The following CNTN5 variants were observed in gnomAD, a reference collection of about 807,000 sequenced individuals.
CNTN5 encodes the protein contactin-5.
In CNTN5, 77 loss-of-function variants were observed where a neutral mutation model predicts 129.1. The observed-to-expected ratio is 0.60, with a 90% CI of 0.50 to 0.72. The LOEUF is 0.72. Ranked by LOEUF, CNTN5 falls within the 30% of genes least tolerant of loss-of-function variation. CNTN5 has a pLI of 0.00. For missense variants in CNTN5, 1,478 were observed against 1,328.8 expected (o/e 1.11, Z -1.75); for synonymous variants, 509 against 465.6 (o/e 1.09, Z -1.20).
chr11:99,133,458 G>A (rs530087651), intron 1 of CNTN5, among the ~76,000 whole-genome samples: 26 of 151,684 alleles, frequency 1.7e-4, no homozygotes, highest in Non-Finnish European at 2.5e-4. Flanking sequence ...CTATCATCAG[G>A]GCAAACAGAC....
intron 1 of CNTN5, among the ~76,000 whole-genome samples, chr11:99,272,740 C>T (rs1160190951): frequency 2.0e-5 from 3 of 151,756 alleles, no homozygotes; most frequent in African/African-American, 7.3e-5. Flanking sequence ...CACAAACATA[C>T]ACCATTCCAG....
rs540121791 is a variant in CNTN5, at chr11:100,346,351, G to A, written c.3031-4351G>A. Among the ~76,000 whole-genome samples the A allele has an allele frequency of 5.9e-5, 9 of 152,140 alleles. No individual in the cohort carries two copies. In the South Asian group the frequency reaches 1.2e-3, roughly 21 times the overall value. On this transcript the variant is annotated intron_variant, in intron 23 of 24. Transcript: ENST00000524871. ...ATAATTTTTAATGATCTCAAAAATGGAAAATATTTTTCTTTACACGATGAA... is the reference window on the plus strand; with the variant it reads ...ATAATTTTTAATGATCTCAAAAATGAAAAATATTTTTCTTTACACGATGAA...
chr11:99,237,458 G>A (rs1218348398), intron 1 of CNTN5, among the ~76,000 whole-genome samples: 1 of 152,126 alleles, frequency 6.6e-6, no homozygotes, highest in Admixed American at 6.6e-5. Flanking sequence ...CGAGGTGGGC[G>A]CATCACGAAG....
intron 1 of CNTN5, among the ~76,000 whole-genome samples, chr11:99,321,114 G>A (rs1865551073): frequency 6.6e-6 from 1 of 151,890 alleles, no homozygotes; most frequent in Admixed American, 6.6e-5. Flanking sequence ...CTGGAAGTAC[G>A]TTTTTGGCTC....
intron 2 of CNTN5, among the ~76,000 whole-genome samples, chr11:99,458,259 A>T (rs1347087026): frequency 2.0e-5 from 3 of 151,932 alleles, no homozygotes; most frequent in African/African-American, 7.2e-5. Context: ...TATTTACACA[A>T]ATAAGTAAGT....
At chr11:99,870,154 TTA>T (rs921389485) in intron 6 of CNTN5, among the ~76,000 whole-genome samples, 1 of 152,266 alleles carries the variant, frequency 6.6e-6, no homozygotes. Context: ...TAATTGCTCT[TTA>T]AACAAATTTG....
At chr11:99,229,899 A>G (rs1036463378) in intron 1 of CNTN5, among the ~76,000 whole-genome samples, 1 of 152,070 alleles carries the variant, frequency 6.6e-6, no homozygotes, top group Non-Finnish European at 1.5e-5. Flanking sequence ...TCTAGTATGC[A>G]TATAAATATA....
At chr11:99,898,959 T>C (rs1381254625) in intron 6 of CNTN5, among the ~76,000 whole-genome samples, 1 of 152,038 alleles carries the variant, frequency 6.6e-6, no homozygotes, top group Non-Finnish European at 1.5e-5. Flanking sequence ...TTAAGTATAA[T>C]ATTTGTTTCA....
intron 3 of CNTN5, among the ~76,000 whole-genome samples, chr11:99,609,461 G>A (rs1433143564): frequency 6.6e-6 from 1 of 152,110 alleles, no homozygotes; most frequent in Non-Finnish European, 1.5e-5. Context: ...TTTTCATAAG[G>A]TTATGGCTGA....
At chr11:99,622,064 T>TA (rs1950968777) in intron 3 of CNTN5, among the ~76,000 whole-genome samples, 1 of 152,220 alleles carries the variant, frequency 6.6e-6, no homozygotes, top group Admixed American at 6.5e-5. Context: ...TATAAGCCCT[T>TA]ACACCTCCCC....
chr11:100,144,019 A>C (rs1248921605), intron 13 of CNTN5, among the ~76,000 whole-genome samples: 1 of 152,154 alleles, frequency 6.6e-6, no homozygotes, highest in Non-Finnish European at 1.5e-5. Context: ...CTCTGTAATG[A>C]TTCTCTATAA....
intron 2 of CNTN5, among the ~76,000 whole-genome samples, chr11:99,553,349 C>T (rs1948557200): frequency 6.6e-6 from 1 of 151,834 alleles, no homozygotes; most frequent in African/African-American, 2.4e-5. Context: ...GCTTTGGTAA[C>T]TTTTATTCAT....
At chr11:99,741,312 AT>A (rs1184737211) in intron 3 of CNTN5, among the ~76,000 whole-genome samples, 2 of 152,096 alleles carry the variant, frequency 1.3e-5, no homozygotes, top group Non-Finnish European at 2.9e-5. Context: ...ACGGAACTAT[AT>A]TTGTCCAATT....
At chr11:100,103,598 C>T (rs144681103) in intron 13 of CNTN5, among the ~76,000 whole-genome samples, 5 of 152,224 alleles carry the variant, frequency 3.3e-5, no homozygotes, top group African/African-American at 4.8e-5. Flanking sequence ...CCACGCTTGG[C>T]GCTGCATGTG....
chr11:99,980,419 A>G (rs950655886), intron 8 of CNTN5, among the ~76,000 whole-genome samples: 1 of 152,284 alleles, frequency 6.6e-6, no homozygotes, highest in East Asian at 1.9e-4. Flanking sequence ...ATTTCCAAAG[A>G]CTTTTCAGGG....
intron 1 of CNTN5, among the ~76,000 whole-genome samples, chr11:99,204,679 C>G (rs1859385738): frequency 6.6e-6 from 1 of 152,128 alleles, no homozygotes; most frequent in Non-Finnish European, 1.5e-5. Flanking sequence ...GAGTATATAA[C>G]TGAAAAGTTT....
chr11:99,851,085 C>G (rs1947858697), intron 6 of CNTN5, among the ~76,000 whole-genome samples: 1 of 151,906 alleles, frequency 6.6e-6, no homozygotes. Context: ...GTTCATCCAC[C>G]CCCAACCTGC....
chr11:99,406,898 C>T (rs1285828750), intron 2 of CNTN5, among the ~76,000 whole-genome samples: 3 of 152,048 alleles, frequency 2.0e-5, no homozygotes, highest in Non-Finnish European at 4.4e-5. Context: ...CCCAAGGGCT[C>T]TTTATTCAGC....
intron 3 of CNTN5, among the ~76,000 whole-genome samples, chr11:99,673,786 C>T (rs1157316921): frequency 6.6e-6 from 1 of 151,488 alleles, no homozygotes; most frequent in Non-Finnish European, 1.5e-5. Context: ...AGATCTCATC[C>T]TTTTTCATAG....
Sources: gnomAD v4.1 joint callset for allele counts (sites outside exome capture counted in the v4.1 genomes callset) on GRCh38, gnomAD v4.1.1 for gene constraint, MANE v1.5 for transcripts, NCBI Gene and HGNC (gene_info 2026-07-23, HGNC 2026-07-21) for gene names.